SLC25A13: variants seen among roughly 807,000 people sequenced by gnomAD.
SLC25A13 encodes electrogenic aspartate/glutamate antiporter SLC25A13, mitochondrial.
In SLC25A13, 70 loss-of-function variants were observed where a neutral mutation model predicts 85.5. That is an observed-to-expected ratio of 0.82 (90% CI 0.68 to 1.00). The LOEUF (loss-of-function observed/expected upper bound fraction) is 1.00, where lower values mean the gene tolerates loss of function less well. Ranked by LOEUF, SLC25A13 falls within the 50% of genes least tolerant of loss-of-function variation. SLC25A13 has a pLI of 0.00. For synonymous variants in SLC25A13, 259 were observed against 288.7 expected (o/e 0.90, Z 1.04); for missense variants, 765 against 819.8 (o/e 0.93, Z 0.82).
chr7:96,135,010 C>A (rs1165432241), intron 14 of SLC25A13, among the ~76,000 whole-genome samples: 1 of 152,010 alleles, frequency 6.6e-6, no homozygotes, highest in Non-Finnish European at 1.5e-5. Flanking sequence ...AGCAAAAGAA[C>A]TTCCACCTGG....
chr7:96,307,193 ATATAC>A (rs1430231107), intron 1 of SLC25A13, among the ~76,000 whole-genome samples: 1 of 152,182 alleles, frequency 6.6e-6, no homozygotes, highest in Admixed American at 6.5e-5. Context: ...CATGAACCTT[ATATAC>A]ATCACAATTC....
rs529727347 is a variant in SLC25A13 at position 96,152,545 on chromosome 7, C to T, written c.1312-5849G>A. 9.6e-4 allele frequency among the ~76,000 whole-genome samples: 146 copies of T among 152,184 alleles called. 1 individual carries two copies. Among genetic ancestry groups the T allele is most frequent in the Non-Finnish European group, 1.9e-3 (130 of 68,022 alleles). On this transcript the variant is annotated intron_variant, in intron 13 of 17. Coordinates refer to ENST00000265631, the MANE Select transcript of SLC25A13 (RefSeq NM_014251.3). Reference sequence around the variant, plus strand: ...GAGTGGGTAAGCTCAAAGAAAGGATCCAAGTTTTTGCTGTGTAATAGGAAC... The same window carrying T: ...GAGTGGGTAAGCTCAAAGAAAGGATTCAAGTTTTTGCTGTGTAATAGGAAC...
At chr7:96,126,341 G>T (rs1374424999) in intron 15 of SLC25A13, among the ~76,000 whole-genome samples, 2 of 152,078 alleles carry the variant, frequency 1.3e-5, no homozygotes, top group Non-Finnish European at 2.9e-5. Flanking sequence ...CTGCATCTGT[G>T]GTAGAAGTCT....
intron 2 of SLC25A13, among the ~76,000 whole-genome samples, chr7:96,295,054 G>T (rs1390689193): frequency 6.6e-6 from 1 of 152,092 alleles, no homozygotes; most frequent in African/African-American, 2.4e-5. Flanking sequence ...TTAAAAAAAT[G>T]TTTTATTATG....
intron 9 of SLC25A13, among the ~76,000 whole-genome samples, chr7:96,187,911 C>T (rs938709714): frequency 5.3e-5 from 8 of 152,278 alleles, no homozygotes; most frequent in African/African-American, 1.9e-4. Flanking sequence ...TTGCTCTAAA[C>T]CTCTAAGCGG....
chr7:96,138,915 T>C (rs1350920678), intron 14 of SLC25A13, among the ~76,000 whole-genome samples: 1 of 152,214 alleles, frequency 6.6e-6, no homozygotes, highest in Non-Finnish European at 1.5e-5. Context: ...TAATTTGCTA[T>C]TCTAAAGTTC....
At chr7:96,174,682 A>G (rs753103169) in intron 11 of SLC25A13, among the ~76,000 whole-genome samples, 3 of 152,236 alleles carry the variant, frequency 2.0e-5, no homozygotes, top group Admixed American at 6.5e-5. Context: ...TCTTGTCTCC[A>G]TAACTATCCT....
intron 2 of SLC25A13, among the ~76,000 whole-genome samples, chr7:96,287,693 T>C (rs1251972615): frequency 6.6e-6 from 1 of 152,208 alleles, no homozygotes; most frequent in Non-Finnish European, 1.5e-5. Flanking sequence ...GTCTTATCAA[T>C]GGATCACACC....
intron 13 of SLC25A13, among the ~76,000 whole-genome samples, chr7:96,168,098 GAAAAAAAAAAAAAAAAAA>G (rs543491037): frequency 5.1e-4 from 10 of 19,724 alleles, no homozygotes; most frequent in African/African-American, 1.1e-3. Context: ...AACTCTGTCT[GAAAAAAAAAAAAAAAAAA>G]AAAAAAAAAA....
chr7:96,303,564 T>C (rs1267878561), intron 1 of SLC25A13, among the ~76,000 whole-genome samples: 1 of 152,196 alleles, frequency 6.6e-6, no homozygotes. Flanking sequence ...ACTAGAAGGC[T>C]GAAACTACAA....
At chr7:96,168,129 A>AAAAAAAAAAAAG (rs1562810139) in intron 13 of SLC25A13, among the ~76,000 whole-genome samples, 1 of 143,570 alleles carries the variant, frequency 7.0e-6, no homozygotes, top group Non-Finnish European at 1.5e-5. Context: ...AAAAAAAAAA[A>AAAAAAAAAAAAG]GCACGTGTGC....
intron 8 of SLC25A13, 40 bp from the exon 9 acceptor site, chr7:96,189,418 T>A (rs758204178): frequency 1.3e-6 from 2 of 1,576,740 alleles, no homozygotes; most frequent in Admixed American, 3.3e-5. Context: ...AATATACCAA[T>A]TTATTACAAT....
chr7:96,262,674 G>C (rs979751226), intron 3 of SLC25A13, among the ~76,000 whole-genome samples: 1 of 152,080 alleles, frequency 6.6e-6, no homozygotes, highest in Non-Finnish European at 1.5e-5. Context: ...TCTTGCAAAG[G>C]CCATCAGAAC....
intron 5 of SLC25A13, among the ~76,000 whole-genome samples, chr7:96,202,464 C>T (rs1410530206): frequency 6.6e-6 from 1 of 152,176 alleles, no homozygotes; most frequent in African/African-American, 2.4e-5. Flanking sequence ...GCCTCATTCC[C>T]TCTCAGGTCA....
chr7:96,240,320 T>C (rs1019953028), intron 3 of SLC25A13, among the ~76,000 whole-genome samples: 1 of 152,114 alleles, frequency 6.6e-6, no homozygotes, highest in East Asian at 1.9e-4. Flanking sequence ...GAAGATGTGT[T>C]TGGTGAACAT....
At chr7:96,275,942 G>C (rs1584549417) in intron 3 of SLC25A13, among the ~76,000 whole-genome samples, 1 of 152,210 alleles carries the variant, frequency 6.6e-6, no homozygotes, top group East Asian at 1.9e-4. Flanking sequence ...AGTGAAAACT[G>C]AGAGTATTCG....
intron 6 of SLC25A13, 59 bp from the exon 7 acceptor site, chr7:96,191,306 A>G: frequency 6.4e-7 from 1 of 1,556,404 alleles, no homozygotes; most frequent in Non-Finnish European, 8.8e-7. Flanking sequence ...TAGATGATTC[A>G]GAAGTACATA....
chr7:96,266,807 G>A (rs1207879122), intron 3 of SLC25A13, among the ~76,000 whole-genome samples: 2 of 152,022 alleles, frequency 1.3e-5, no homozygotes, highest in Non-Finnish European at 2.9e-5. Context: ...AAAGAAAGGG[G>A]GTTAATCAGA....
At chr7:96,215,819 C>A (rs1299641322) in intron 4 of SLC25A13, among the ~76,000 whole-genome samples, 1 of 152,012 alleles carries the variant, frequency 6.6e-6, no homozygotes, top group Non-Finnish European at 1.5e-5. Flanking sequence ...AATTATACTT[C>A]ATCAAAATTT....
Sources: allele counts gnomAD v4.1 joint callset (sites outside exome capture counted in the v4.1 genomes callset), GRCh38; gene constraint gnomAD v4.1.1; transcripts MANE v1.5; gene names NCBI Gene and HGNC (gene_info 2026-07-23, HGNC 2026-07-21).